SHMT2: variants seen among roughly 807,000 people sequenced by gnomAD.
SHMT2 encodes serine hydroxymethyltransferase 2.
Under a neutral mutation model 59.6 loss-of-function variants are expected in SHMT2, and 38 were observed. The observed-to-expected ratio is 0.64, with a 90% CI of 0.49 to 0.84. SHMT2 has a LOEUF of 0.84. SHMT2 is among the 40% of genes least tolerant of loss of function. The probability of loss-of-function intolerance (pLI) is 0.00; values close to 1 mark genes in which losing one functional copy is unlikely to be tolerated. For missense variants in SHMT2, 533 were observed against 659.5 expected (o/e 0.81, Z 2.10); for synonymous variants, 254 against 258.1 (o/e 0.98, Z 0.15).
In SHMT2 at chr12:57,234,799, G is replaced by C. The variant is rs369375949; in HGVS notation, c.*438G>C. On this transcript the variant is annotated 3_prime_UTR_variant, in exon 12 of 12. Coordinates refer to ENST00000328923, the MANE Select transcript of SHMT2 (RefSeq NM_005412.6). ...ATTTGTCTCCCTCAATGTGTACACC[G>C]CTCCGCTCCCACCACCGCTACCACA... The C allele has an allele frequency of 6.3e-6, 1 of 157,816 alleles. No homozygotes were observed. 9.8% of individuals were successfully genotyped at this position (157,816 alleles called of 1,614,324 possible). A position where few individuals can be genotyped will look rare whatever the true frequency, so the allele number is the denominator to read the frequency against.
rs367706631 is a variant in SHMT2 at position 57,233,230 on chromosome 12, C to G, written c.908C>G (p.Thr303Ser). The G allele has an allele frequency of 2.7e-5, 44 of 1,605,232 alleles. No individual in the cohort carries two copies. The highest frequency in any genetic ancestry group is 3.6e-5 in the Non-Finnish European group (42 of 1,174,716). Residue 303 changes from threonine to serine, a missense_variant, in exon 8 of 12, where the codon ACT becomes AGT. Coordinates refer to ENST00000328923, the MANE Select transcript of SHMT2 (RefSeq NM_005412.6). Reference protein sequence around the residue: ...RKGVKAVDPKTGREIPYTFED... With the variant: ...RKGVKAVDPKSGREIPYTFED... ...GGGGTGAAGGCTGTGGACCCCAAGA[C>G]TGGCCGGGAGATCCCTTACACATTT...
intron 3 of SHMT2, 27 bp from the exon 4 acceptor site, chr12:57,231,686 G>A (rs373976238): frequency 4.8e-5 from 77 of 1,613,248 alleles, no homozygotes; most frequent in Non-Finnish European, 6.3e-5. Flanking sequence ...CTTTCTCTGT[G>A]CCCTCATTAC....
At chr12:57,232,340 C>T in intron 5 of SHMT2, 48 bp downstream of exon 5, 1 of 1,612,924 alleles carries the variant, frequency 6.2e-7, no homozygotes, top group Non-Finnish European at 8.5e-7. Flanking sequence ...TGGTGGTGGT[C>T]CTCCCCTGGA....
intron 5 of SHMT2, 27 bp downstream of exon 5, chr12:57,232,319 G>T: frequency 2.5e-6 from 4 of 1,612,302 alleles, no homozygotes; most frequent in Non-Finnish European, 3.4e-6. Context: ...GTGGGGAGGG[G>T]CTCTTGGCCC....
chr12:57,233,396 T>C, intron 8 of SHMT2, 51 bp downstream of exon 8: 1 of 1,547,648 alleles, frequency 6.5e-7, no homozygotes, highest in East Asian at 2.3e-5. Context: ...CCTGGAGGCT[T>C]AGACCCTGCA....
intron 10 of SHMT2, 38 bp downstream of exon 10, chr12:57,233,942 G>T (rs971478837): frequency 6.2e-7 from 1 of 1,614,140 alleles, no homozygotes; most frequent in African/African-American, 1.3e-5. Flanking sequence ...GGGCTCCCAT[G>T]CTGGATGACT....
In SHMT2 at chr12:57,232,569, G is replaced by A; in HGVS notation, c.711G>A (p.Met237Ile). ...CTCGCCTCATTGACTACGCCCGCAT[G>A]AGAGAGGTTGGTGGGGGGGGCTGGA... ...AYARLIDYAR[M>I]REVCDEVKAH... Residue 237 changes from methionine (M) to isoleucine (I), a missense_variant, in exon 6 of 12, where the codon ATG (methionine) becomes ATA (isoleucine). By Grantham distance (10) the Met-to-Ile change is conservative. Transcript: ENST00000328923. The A allele has an allele frequency of 6.2e-7, 1 of 1,614,156 alleles. No homozygotes were observed. Among genetic ancestry groups the A allele is most frequent in the East Asian group, 2.2e-5 (1 of 44,880 alleles).
In SHMT2 at chr12:57,233,234, C is replaced by T. The variant is rs950117723; in HGVS notation, c.912C>T (p.Gly304=). The T allele has an allele frequency of 1.9e-6, 3 of 1,606,096 alleles. No homozygotes were observed. Among genetic ancestry groups the T allele is most frequent in the African/African-American group, 2.7e-5 (2 of 74,708 alleles). The change falls in exon 8 of 12, where the codon GGC becomes GGT. Residue 304 remains glycine (G), a synonymous_variant. Transcript: ENST00000328923. ...TGAAGGCTGTGGACCCCAAGACTGGCCGGGAGATCCCTTACACATTTGAGG... is the reference window on the plus strand; with the variant it reads ...TGAAGGCTGTGGACCCCAAGACTGGTCGGGAGATCCCTTACACATTTGAGG... ...KGVKAVDPKT[G]REIPYTFEDR...
At position 57,233,491 on chromosome 12, in the gene SHMT2, G is replaced by T. The variant is rs2037414361; in HGVS notation, c.1024-72G>T. The T allele has an allele frequency of 2.6e-6, 4 of 1,533,558 alleles. No individual in the cohort carries two copies. In the Admixed American group the frequency reaches 5.5e-5, roughly 21 times the overall value. The allele number at this position is 1,533,558 out of a possible 1,614,324, so 95.0% of individuals were successfully genotyped here. On this transcript the variant is annotated intron_variant, in intron 8 of 11. Coordinates refer to ENST00000328923, the MANE Select transcript of SHMT2 (RefSeq NM_005412.6). Reference sequence around the variant, plus strand: ...CTGGGGTCACAGAGCTATGCTGAGGGTGCAGGGCCAGAGGGTAGTGCAGGG... The same window carrying T: ...CTGGGGTCACAGAGCTATGCTGAGGTTGCAGGGCCAGAGGGTAGTGCAGGG...
rs553430961 is a variant in SHMT2 at position 57,232,581 on chromosome 12, T to TG, written c.717+14dup. The TG allele has an allele frequency of 3.8e-4, 599 of 1,595,278 alleles. 4 individuals are homozygous for TG. The highest frequency in any genetic ancestry group is 1.9e-3 in the South Asian group (174 of 90,326). ...ACTACGCCCGCATGAGAGAGGTTGG[T>TG]GGGGGGGGCTGGAGACTGGGCACCT... On this transcript the variant is annotated splice_region_variant and intron_variant, in intron 6 of 11. Coordinates refer to ENST00000328923, the MANE Select transcript of SHMT2 (RefSeq NM_005412.6).
chr12:57,233,205 G>C lies in SHMT2; in HGVS notation c.883G>C (p.Gly295Arg). 6.3e-7 allele frequency: 1 copy of C among 1,580,562 alleles called. No individual in the cohort carries two copies. Among genetic ancestry groups the C allele is most frequent in the Non-Finnish European group, 8.6e-7 (1 of 1,162,478 alleles). Residue 295 changes from glycine (G) to arginine (R), a missense_variant, in exon 8 of 12, where the codon GGG (glycine) becomes CGG (arginine). By Grantham distance (125) the Gly-to-Arg change is moderately radical (BLOSUM62 -2). Transcript: ENST00000328923. ...ARSGLIFYRK[G>R]VKAVDPKTGR... ...GTCAGGGCTCATCTTCTACCGGAAA[G>C]GGGTGAAGGCTGTGGACCCCAAGAC...
chr12:57,234,878 A>G lies in SHMT2; in HGVS notation c.*517A>G, dbSNP rs1268568645. 1.3e-5 allele frequency: 2 copies of G among 156,580 alleles called. No homozygotes were observed. The highest frequency in any genetic ancestry group is 2.8e-5 in the Non-Finnish European group (2 of 70,692). 9.7% of individuals were successfully genotyped at this position (156,580 alleles called of 1,614,324 possible). A position where few individuals can be genotyped will look rare whatever the true frequency, so the allele number is the denominator to read the frequency against. ...TCTGTCTCTGATCAGAGCCGACACC[A>G]GACGTGATTAGCAGGCGCAGCAAAT... On this transcript the variant is annotated 3_prime_UTR_variant, in exon 12 of 12. Transcript: ENST00000328923.
At chr12:57,230,690 A>T (rs2037277052) in intron 1 of SHMT2, 113 bp from the exon 2 acceptor site, 17 of 1,494,064 alleles carry the variant, frequency 1.1e-5, no homozygotes, top group South Asian at 2.7e-5. Flanking sequence ...GAACTGAAAC[A>T]GGCTGGCTGG....
intron 7 of SHMT2, 85 bp from the exon 8 acceptor site, chr12:57,233,095 G>A (rs1422789524): frequency 4.8e-6 from 7 of 1,465,514 alleles, no homozygotes; most frequent in Non-Finnish European, 6.4e-6. Context: ...GTGCCCTTGG[G>A]GCCCAGGTCC....
chr12:57,232,923 G>A, intron 7 of SHMT2, 80 bp downstream of exon 7: 1 of 1,541,796 alleles, frequency 6.5e-7, no homozygotes, highest in Admixed American at 1.8e-5. Flanking sequence ...GGACCTGAGA[G>A]GAATTCATTC....
Position 57,230,892 on chromosome 12 carries a change from G to A in SHMT2, c.123G>A (p.Arg41=), listed in dbSNP as rs200843046. 3.7e-6 allele frequency: 6 copies of A among 1,614,132 alleles called. No homozygotes were observed. In the East Asian group the frequency reaches 1.3e-4, roughly 36 times the overall value. The part of the protein sequence containing the change: ...AAQTQTGEAN[R]GWTGQESLSD... ...AGACTCAGACTGGGGAAGCAAACAG[G>A]GGCTGGACAGGCCAGGAGAGCCTGT... The change falls in exon 2 of 12, where the codon AGG becomes AGA. Residue 41 remains arginine, a synonymous_variant. Coordinates refer to ENST00000328923, the MANE Select transcript of SHMT2 (RefSeq NM_005412.6).
At position 57,233,991 on chromosome 12, in the gene SHMT2, GC is replaced by G; in HGVS notation, c.1280-10del. On this transcript the variant is annotated splice_polypyrimidine_tract_variant and intron_variant, in intron 10 of 11. Transcript: ENST00000328923. ...GGGCTATGCTCATCCCTCCCCTTGT[GC>G]CTCGTTCCAGGGGCCCCAGCCTTAA... 1 of 1,614,104 alleles carries G rather than the reference GC, an allele frequency of 6.2e-7. No homozygotes were observed. The highest frequency in any genetic ancestry group is 8.5e-7 in the Non-Finnish European group (1 of 1,179,966).
rs2037445804 is a variant in SHMT2 at position 57,233,992 on chromosome 12, C to T, written c.1280-11C>T. Reference sequence around the variant, plus strand: ...GGCTATGCTCATCCCTCCCCTTGTGCCTCGTTCCAGGGGCCCCAGCCTTAA... The same window carrying T: ...GGCTATGCTCATCCCTCCCCTTGTGTCTCGTTCCAGGGGCCCCAGCCTTAA... On this transcript the variant is annotated splice_polypyrimidine_tract_variant and intron_variant, in intron 10 of 11. Coordinates refer to ENST00000328923, the MANE Select transcript of SHMT2 (RefSeq NM_005412.6). 1.2e-6 allele frequency: 2 copies of T among 1,614,040 alleles called. No homozygotes were observed. Among genetic ancestry groups the T allele is most frequent in the Admixed American group, 1.7e-5 (1 of 60,006 alleles).
intron 8 of SHMT2, 26 bp from the exon 9 acceptor site, chr12:57,233,537 G>C (rs754026019): frequency 8.1e-6 from 13 of 1,602,576 alleles, no homozygotes; most frequent in Middle Eastern, 1.7e-4. Context: ...GGCCTAGGGT[G>C]ACAGCTGCTA....
Sources: allele counts gnomAD v4.1 joint callset, GRCh38; gene constraint gnomAD v4.1.1; transcripts MANE v1.5; gene names NCBI Gene and HGNC (gene_info 2026-07-23, HGNC 2026-07-21).